Variants in PLCD4 observed in about 807,000 individuals in gnomAD.
PLCD4 encodes the protein phospholipase C delta 4.
A neutral mutation model predicts 90.2 loss-of-function variants in PLCD4; 63 were observed. The observed-to-expected ratio is 0.70, with a 90% confidence interval of 0.57 to 0.86. The LOEUF (loss-of-function observed/expected upper bound fraction) is 0.86. PLCD4 is among the 40% of genes least tolerant of loss of function. The pLI is 0.00. For missense variants in PLCD4, 830 were observed against 956.3 expected, an observed-to-expected ratio of 0.87 and a Z score of 1.74; for synonymous variants, 294 against 356.5, an observed-to-expected ratio of 0.82 and a Z score of 1.97.
At position 218,609,122 on chromosome 2, in the gene PLCD4, G is replaced by A. The variant is rs1222898018; in HGVS notation, c.-34+1052G>A. 3.4e-5 allele frequency: 5 copies of A among 147,104 alleles called. 1 individual carries two copies. In the East Asian group the frequency reaches 6.0e-4, roughly 18 times the overall value. The allele number at this position is 147,104 out of a possible 1,614,324, so 9.1% of individuals were successfully genotyped here. A position where few individuals can be genotyped will look rare whatever the true frequency, so the allele number is the denominator to read the frequency against. ...CGCACCACTGCACTCCAGCCTGGGC[G>A]ACAGCGAGACTCTGTCTCAAAAAAA... On this transcript the variant is annotated intron_variant, in intron 1 of 15. Coordinates refer to ENST00000450993, the MANE Select transcript of PLCD4 (RefSeq NM_032726.4).
chr2:218,634,619 C>T lies in PLCD4; in HGVS notation c.1885C>T (p.Leu629Phe), dbSNP rs558899268. The part of the protein sequence containing the change: ...KPISPFKAQT[L>F]LIQVISGQQL... Reference sequence around the variant, plus strand: ...CATCAGCCCTTTCAAAGCCCAGACTCTCTTAATCCAGGTACAGTGGAAATA... The same window carrying T: ...CATCAGCCCTTTCAAAGCCCAGACTTTCTTAATCCAGGTACAGTGGAAATA... The change falls in exon 13 of 16, where the codon CTC becomes TTC. Residue 629 changes from leucine (L) to phenylalanine (F), a missense_variant. Transcript: ENST00000450993. This position sits in a 1 kb window ranked among gnomAD's most constrained non-coding sequence, Gnocchi z 4.0. The T allele has an allele frequency of 4.3e-5, 70 of 1,613,618 alleles. No homozygotes were observed. The highest frequency in any genetic ancestry group is 4.3e-4 in the South Asian group (39 of 91,030).
chr2:218,636,625 G>A lies in PLCD4; in HGVS notation c.*48G>A. 6.4e-7 allele frequency: 1 copy of A among 1,553,064 alleles called. No individual in the cohort carries two copies. Among genetic ancestry groups the A allele is most frequent in the South Asian group, 1.1e-5 (1 of 88,474 alleles). ...TTGGTGTGCTGGCTTTAGACGGGGA[G>A]AAACATCTGGAAGGATGCTCGAGAG... On this transcript the variant is annotated 3_prime_UTR_variant, in exon 16 of 16. Coordinates refer to ENST00000450993, the MANE Select transcript of PLCD4 (RefSeq NM_032726.4).
rs373548986 is a variant in PLCD4, at chr2:218,636,328, T to C, written c.2118T>C (p.Tyr706=). The part of the protein sequence containing the change: ...LAMLRFVVMD[Y]DWKSRNDFIG... Reference sequence around the variant, plus strand: ...TGCTGCGTTTTGTGGTAATGGATTATGACTGGAAATCCCGAAATGACTTTA... The same window carrying C: ...TGCTGCGTTTTGTGGTAATGGATTACGACTGGAAATCCCGAAATGACTTTA... Residue 706 remains tyrosine (Y), a synonymous_variant, in exon 15 of 16, where the codon TAT becomes TAC. Transcript: ENST00000450993. 2.0e-5 allele frequency: 32 copies of C among 1,613,958 alleles called. No homozygotes were observed. The African/African-American group carries it at 3.9e-4, about 20-fold the overall frequency.
At chr2:218,618,832 G>C (rs913587398) in intron 4 of PLCD4, 25 bp downstream of exon 4, 6 of 1,553,638 alleles carry the variant, frequency 3.9e-6, no homozygotes, top group African/African-American at 1.4e-5. Flanking sequence ...GAGTCAGGGT[G>C]GGGGTGAGGG....
chr2:218,616,590 G>A (rs1405810962), intron 3 of PLCD4, among the ~76,000 whole-genome samples: 1 of 151,702 alleles, frequency 6.6e-6, no homozygotes, highest in Non-Finnish European at 1.5e-5. Context: ...GGTGCTGTAC[G>A]CCTGTGGTCT....
intron 3 of PLCD4, 74 bp downstream of exon 3, chr2:218,616,136 A>T (rs1695569945): frequency 6.5e-7 from 1 of 1,532,200 alleles, no homozygotes; most frequent in East Asian, 2.3e-5. Flanking sequence ...GGGAGGGACC[A>T]AAGTCCTACG....
chr2:218,626,094 TA>T (rs994347591), intron 6 of PLCD4, among the ~76,000 whole-genome samples: 2 of 151,132 alleles, frequency 1.3e-5, no homozygotes, highest in African/African-American at 4.9e-5. Context: ...TCTCTAAAAA[TA>T]AAAAAATAAA....
chr2:218,636,515 C>A lies in PLCD4; in HGVS notation c.2227C>A (p.Arg743Ser). The A allele has an allele frequency of 6.2e-7, 1 of 1,613,978 alleles. No individual in the cohort carries two copies. Among genetic ancestry groups the A allele is most frequent in the Non-Finnish European group, 8.5e-7 (1 of 1,179,882 alleles). ...HLLSKDGISL[R>S]PASIFVYICI... is the part of the protein sequence containing the mutation. ...GCTGTCCAAAGATGGCATCAGCCTC[C>A]GCCCAGCTTCCATCTTTGTGTATAT... The change falls in exon 16 of 16, where the codon CGC becomes AGC. Residue 743 changes from arginine (R) to serine (S), a missense_variant. Transcript: ENST00000450993.
At position 218,634,721 on chromosome 2, in the gene PLCD4, C is replaced by A; in HGVS notation, c.1896+91C>A. On this transcript the variant is annotated intron_variant, in intron 13 of 15. Coordinates refer to ENST00000450993, the MANE Select transcript of PLCD4 (RefSeq NM_032726.4). The surrounding 1 kb of genome is among the most constrained non-coding windows in gnomAD (Gnocchi z 4.0). ...GCTAGGCCTGACCGGAATGTAGAGG[C>A]CGGATAGCCTATTAACAGTGTCTAG... 1 of 1,409,144 alleles carries A rather than the reference C, an allele frequency of 7.1e-7. No homozygotes were observed. Among genetic ancestry groups the A allele is most frequent in the South Asian group, 1.3e-5 (1 of 75,500 alleles). 87.3% of individuals were successfully genotyped at this position (1,409,144 alleles called of 1,614,324 possible).
In PLCD4 at chr2:218,636,909, G is replaced by C. The variant is rs764212049; in HGVS notation, c.*332G>C. 4 of 467,612 alleles carry C rather than the reference G, an allele frequency of 8.6e-6. No individual in the cohort carries two copies. The highest frequency in any genetic ancestry group is 7.0e-5 in the Admixed American group (3 of 42,820). The allele number at this position is 467,612 out of a possible 1,614,324, so 29.0% of individuals were successfully genotyped here. A position where few individuals can be genotyped will look rare whatever the true frequency, so the allele number is the denominator to read the frequency against. ...AACTAATCTTTCCCATCAACTCTGTGTGAAGGCAGGTTGCAACTAGAAATT... is the reference window on the plus strand; with the variant it reads ...AACTAATCTTTCCCATCAACTCTGTCTGAAGGCAGGTTGCAACTAGAAATT... On this transcript the variant is annotated 3_prime_UTR_variant, in exon 16 of 16. Coordinates refer to ENST00000450993, the MANE Select transcript of PLCD4 (RefSeq NM_032726.4).
At chr2:218,635,070 T>C (rs1285684132) in intron 13 of PLCD4, among the ~76,000 whole-genome samples, 1 of 151,810 alleles carries the variant, frequency 6.6e-6, no homozygotes, top group African/African-American at 2.4e-5. Context: ...AACAAAAAAT[T>C]TAAAAATTTT....
At chr2:218,627,994 G>A in intron 6 of PLCD4, 35 bp from the exon 7 acceptor site, 2 of 1,571,832 alleles carry the variant, frequency 1.3e-6, no homozygotes, top group Non-Finnish European at 1.7e-6. Flanking sequence ...CCCATTCAGA[G>A]CTTCTCACCT....
intron 1 of PLCD4, among the ~76,000 whole-genome samples, chr2:218,608,765 T>G (rs764178851): frequency 9.9e-5 from 15 of 152,074 alleles, no homozygotes; most frequent in Non-Finnish European, 1.5e-4. Flanking sequence ...CTGGTAGATT[T>G]TTGGGTAGGG....
intron 10 of PLCD4, 52 bp from the exon 11 acceptor site, chr2:218,633,553 C>T (rs955140215): frequency 1.9e-6 from 3 of 1,580,250 alleles, no homozygotes; most frequent in African/African-American, 2.7e-5. Context: ...TTATCTTCTT[C>T]TCTCTCAGAC....
In PLCD4 at chr2:218,636,533, G is replaced by C. The variant is rs373959827; in HGVS notation, c.2245G>C (p.Val749Leu). Reference protein sequence around the residue: ...GISLRPASIFVYICIQEGLEG... With the variant: ...GISLRPASIFLYICIQEGLEG... The stretch of plus-strand genomic sequence containing the variant: ...CAGCCTCCGCCCAGCTTCCATCTTT[G>C]TGTATATCTGCATCCAGGAAGGCCT... The change falls in exon 16 of 16, where the codon GTG (valine) becomes CTG (leucine). Residue 749 changes from valine to leucine, a missense_variant. Val to Leu is a conservative substitution (Grantham distance 32, BLOSUM62 1). Coordinates refer to ENST00000450993, the MANE Select transcript of PLCD4 (RefSeq NM_032726.4). The C allele has an allele frequency of 6.2e-7, 1 of 1,613,864 alleles. No individual in the cohort carries two copies. The highest frequency in any genetic ancestry group is 8.5e-7 in the Non-Finnish European group (1 of 1,179,892).
chr2:218,622,417 C>A, intron 5 of PLCD4: 1 of 366,930 alleles, frequency 2.7e-6, no homozygotes, highest in Non-Finnish European at 4.8e-6. Flanking sequence ...ATGTTTGGAT[C>A]TATCTGTCTG....
chr2:218,627,153 C>A (rs570648923), intron 6 of PLCD4, among the ~76,000 whole-genome samples: 1 of 150,764 alleles, frequency 6.6e-6, no homozygotes, highest in Non-Finnish European at 1.5e-5. Flanking sequence ...CCCAGCTACT[C>A]GGGAGCCTGA....
Position 218,616,944 on chromosome 2 carries a change from A to AT in PLCD4, c.181+882_181+883insT. Reference sequence around the variant, plus strand: ...TATATATATAGAGAGAGAGAGAGAGAGAGAGAGAGAGAGAGAGAGAGAGAG... The same window carrying AT: ...TATATATATAGAGAGAGAGAGAGAGATGAGAGAGAGAGAGAGAGAGAGAGAG... On this transcript the variant is annotated intron_variant, in intron 3 of 15. Transcript: ENST00000450993. Among the ~76,000 whole-genome samples the AT allele has an allele frequency of 3.8e-5, 2 of 52,960 alleles. 1 individual carries two copies. The highest frequency in any genetic ancestry group is 7.5e-5 in the Non-Finnish European group (2 of 26,540). 34.7% of individuals were successfully genotyped at this position (52,960 alleles called of 152,430 possible). A position where few individuals can be genotyped will look rare whatever the true frequency, so the allele number is the denominator to read the frequency against.
At chr2:218,616,901 TA>T in intron 3 of PLCD4, among the ~76,000 whole-genome samples, 1 of 11,402 alleles carries the variant, frequency 8.8e-5, no homozygotes, top group African/African-American at 3.1e-4. Context: ...CATTATTTTA[TA>T]TATATATATA....
Sources: gnomAD v4.1 joint callset for allele counts (sites outside exome capture counted in the v4.1 genomes callset) on GRCh38, gnomAD v4.1.1 for gene constraint, Gnocchi (gnomAD v3.1) non-coding constraint, MANE v1.5 for transcripts, NCBI Gene and HGNC (gene_info 2026-07-23, HGNC 2026-07-21) for gene names.